CDC42BPA: variants seen among roughly 807,000 people sequenced by gnomAD.
CDC42BPA encodes CDC42 binding protein kinase alpha, also known as serine/threonine-protein kinase MRCK alpha.
A neutral mutation model predicts 223.5 loss-of-function variants in CDC42BPA; 80 were observed. That is an observed-to-expected ratio of 0.36 (90% confidence interval 0.30 to 0.43). The LOEUF (loss-of-function observed/expected upper bound fraction) is 0.43, where lower values mean the gene tolerates loss of function less well. CDC42BPA is among the 20% of genes least tolerant of loss of function. CDC42BPA has a pLI of 1.00. For synonymous variants in CDC42BPA, 694 were observed against 718.6 expected (o/e 0.97, Z 0.55); for missense variants, 1,743 against 2,099.9 (o/e 0.83, Z 3.32).
chr1:226,999,705 C>T (rs1662381499), intron 35 of CDC42BPA, among the ~76,000 whole-genome samples: 1 of 151,998 alleles, frequency 6.6e-6, no homozygotes, highest in Non-Finnish European at 1.5e-5. Context: ...AACCCAAATA[C>T]CCATCAATGA....
At chr1:227,290,715 T>C (rs1185823864) in intron 1 of CDC42BPA, among the ~76,000 whole-genome samples, 1 of 152,174 alleles carries the variant, frequency 6.6e-6, no homozygotes, top group Non-Finnish European at 1.5e-5. Flanking sequence ...ATTTATAATT[T>C]TAAAATTAAA....
At chr1:227,104,714 C>T (rs1685610218) in intron 14 of CDC42BPA, among the ~76,000 whole-genome samples, 1 of 152,014 alleles carries the variant, frequency 6.6e-6, no homozygotes, top group Non-Finnish European at 1.5e-5. Context: ...AGACTGCGTC[C>T]TTATAAAAGG....
intron 1 of CDC42BPA, among the ~76,000 whole-genome samples, chr1:227,291,986 A>C (rs1438424261): frequency 6.9e-6 from 1 of 145,976 alleles, no homozygotes; most frequent in Non-Finnish European, 1.5e-5. Context: ...TATAACAGAT[A>C]ATTTTTTTTT....
At chr1:227,059,524 A>C (rs889034081) in intron 21 of CDC42BPA, 2 of 920,842 alleles carry the variant, frequency 2.2e-6, no homozygotes, top group Non-Finnish European at 3.4e-6. Flanking sequence ...ATAAAGCCAC[A>C]GTTTTGGATA....
intron 21 of CDC42BPA, chr1:227,059,337 C>T (rs1171288984): frequency 1.9e-6 from 3 of 1,547,178 alleles, no homozygotes; most frequent in East Asian, 2.4e-5. Context: ...GGTAAAAGGC[C>T]TCAGGATGGG....
chr1:227,114,526 T>A (rs1259679287), intron 12 of CDC42BPA, among the ~76,000 whole-genome samples: 2 of 150,916 alleles, frequency 1.3e-5, no homozygotes, highest in Admixed American at 6.6e-5. Flanking sequence ...TTAACATGAA[T>A]GTGAATGTAA....
chr1:227,028,295 T>C (rs1057247382), intron 30 of CDC42BPA, among the ~76,000 whole-genome samples: 1 of 152,198 alleles, frequency 6.6e-6, no homozygotes, highest in African/African-American at 2.4e-5. Flanking sequence ...ACTTAGTAAC[T>C]ACTTCTCCAG....
intron 2 of CDC42BPA, among the ~76,000 whole-genome samples, chr1:227,242,953 A>C (rs1028116350): frequency 1.3e-5 from 2 of 152,254 alleles, no homozygotes; most frequent in African/African-American, 4.8e-5. Context: ...CTAGATTTTT[A>C]AATGTGGTAC....
chr1:227,185,886 A>G (rs571793613), intron 5 of CDC42BPA, among the ~76,000 whole-genome samples: 35 of 152,310 alleles, frequency 2.3e-4, no homozygotes, highest in Middle Eastern at 3.4e-3. Flanking sequence ...CACTTCCAGT[A>G]TGTAAGGAGT....
chr1:227,125,524 G>C (rs1689405627), intron 11 of CDC42BPA, among the ~76,000 whole-genome samples: 1 of 151,012 alleles, frequency 6.6e-6, no homozygotes. Context: ...TTGAACCTGG[G>C]AGATGGTAGT....
chr1:227,285,432 GA>G (rs1208886436), intron 1 of CDC42BPA, among the ~76,000 whole-genome samples: 1 of 152,160 alleles, frequency 6.6e-6, no homozygotes, highest in East Asian at 1.9e-4. Context: ...AATTGCCTAT[GA>G]AAAGCAAACA....
intron 16 of CDC42BPA, among the ~76,000 whole-genome samples, chr1:227,081,453 TCTC>T (rs1680634093): frequency 7.4e-6 from 1 of 135,932 alleles, no homozygotes; most frequent in South Asian, 2.2e-4. Context: ...CTGTTCTCTC[TCTC>T]TTTTTTTTTT....
chr1:227,100,890 C>T, intron 15 of CDC42BPA, 102 bp downstream of exon 15: 2 of 768,976 alleles, frequency 2.6e-6, no homozygotes, highest in Non-Finnish European at 4.1e-6. Flanking sequence ...CTTTGGTCTC[C>T]TTTAGGTCTA....
intron 1 of CDC42BPA, among the ~76,000 whole-genome samples, chr1:227,264,365 T>G (rs1684623685): frequency 6.6e-6 from 1 of 151,482 alleles, no homozygotes; most frequent in African/African-American, 2.5e-5. Context: ...TACTGCTTTA[T>G]TGTCCATGTC....
At chr1:227,070,824 C>G (rs1260679998) in intron 20 of CDC42BPA, among the ~76,000 whole-genome samples, 1 of 151,696 alleles carries the variant, frequency 6.6e-6, no homozygotes, top group Non-Finnish European at 1.5e-5. Flanking sequence ...CTGTGGTAAA[C>G]ATGCCTTCAG....
chr1:226,996,373 G>A (rs10916075), intron 35 of CDC42BPA, among the ~76,000 whole-genome samples: 56,774 of 152,082 alleles, frequency 0.37, 11,343 homozygotes, highest in Non-Finnish European at 0.46. Flanking sequence ...TTTGGACTGA[G>A]ATGAAGGGGT....
intron 2 of CDC42BPA, chr1:227,235,355 T>A (rs1283880254): frequency 6.6e-6 from 1 of 152,158 alleles, no homozygotes; most frequent in African/African-American, 2.4e-5. Context: ...CTAGAAAAAG[T>A]TTTAGTATGT....
intron 16 of CDC42BPA, among the ~76,000 whole-genome samples, chr1:227,086,681 T>A (rs1446442219): frequency 3.4e-5 from 5 of 146,106 alleles, no homozygotes; most frequent in Non-Finnish European, 5.9e-5. Context: ...AGAGGTTTTT[T>A]TTTCCTTTTT....
chr1:227,198,967 C>T (rs867042719), intron 4 of CDC42BPA, among the ~76,000 whole-genome samples: 1 of 152,188 alleles, frequency 6.6e-6, no homozygotes, highest in Middle Eastern at 3.4e-3. Context: ...CTAGGATGGT[C>T]TCAATCTCCT....
Sources: allele counts gnomAD v4.1 joint callset (sites outside exome capture counted in the v4.1 genomes callset), GRCh38; gene constraint gnomAD v4.1.1; transcripts MANE v1.5; gene names NCBI Gene and HGNC (gene_info 2026-07-23, HGNC 2026-07-21).